Variants in ANKRD28 observed in about 807,000 individuals in gnomAD.
ANKRD28 encodes the protein ankyrin repeat domain 28.
In ANKRD28, 44 loss-of-function variants were observed where a neutral mutation model predicts 126.5. That is an observed-to-expected ratio of 0.35 (90% CI 0.27 to 0.45). The LOEUF is 0.45. ANKRD28 is among the 20% of genes least tolerant of loss of function. The pLI, the probability that ANKRD28 is intolerant of heterozygous loss-of-function variation, is 1.00. For synonymous variants in ANKRD28, 442 were observed against 468.5 expected (o/e 0.94, Z 0.73); for missense variants, 1,110 against 1,316.6 (o/e 0.84, Z 2.43).
At chr3:15,824,990 T>C (rs1339242350) in intron 1 of ANKRD28, among the ~76,000 whole-genome samples, 1 of 152,144 alleles carries the variant, frequency 6.6e-6, no homozygotes, top group Non-Finnish European at 1.5e-5. Context: ...TGAGGGGTAG[T>C]ACAAAACAAT....
chr3:15,789,152 A>G (rs964247710), intron 2 of ANKRD28, among the ~76,000 whole-genome samples: 3 of 152,126 alleles, frequency 2.0e-5, no homozygotes, highest in Non-Finnish European at 4.4e-5. Flanking sequence ...TTTTTAGGCA[A>G]CTAATAACCG....
At chr3:15,753,909 C>G (rs146524100) in intron 3 of ANKRD28, among the ~76,000 whole-genome samples, 2 of 152,272 alleles carry the variant, frequency 1.3e-5, no homozygotes, top group East Asian at 3.9e-4. Context: ...GCACCACACA[C>G]TCCAGCCTGG....
At chr3:15,737,893 T>C (rs893019110) in intron 4 of ANKRD28, among the ~76,000 whole-genome samples, 8 of 93,578 alleles carry the variant, frequency 8.5e-5, no homozygotes. Context: ...CTAGGATCAA[T>C]TTCATTAAAA....
rs1575335374 is a variant in ANKRD28 at position 15,714,446 on chromosome 3, C to G, written c.1075+132G>C. On this transcript the variant is annotated intron_variant, in intron 9 of 27. Coordinates refer to ENST00000683139, the MANE Select transcript of ANKRD28 (RefSeq NM_001349278.2). ...CTCTTTAATATTTTATTTTCATGAGCTCTGAAATCATGTATTAAAAATACA... is the reference window on the plus strand; with the variant it reads ...CTCTTTAATATTTTATTTTCATGAGGTCTGAAATCATGTATTAAAAATACA... 4.5e-6 allele frequency: 3 copies of G among 661,986 alleles called. No homozygotes were observed. The East Asian group carries it at 9.2e-5, about 20-fold the overall frequency. The allele number at this position is 661,986 out of a possible 1,614,324, so 41.0% of individuals were successfully genotyped here. A position where few individuals can be genotyped will look rare whatever the true frequency, so the allele number is the denominator to read the frequency against.
chr3:15,806,253 T>C (rs2060575111), intron 1 of ANKRD28, among the ~76,000 whole-genome samples: 1 of 152,232 alleles, frequency 6.6e-6, no homozygotes, highest in South Asian at 2.1e-4. Context: ...CCTTTAGCTG[T>C]AGACAATTTT....
chr3:15,764,802 G>A (rs201793367), intron 3 of ANKRD28, among the ~76,000 whole-genome samples: 1 of 152,030 alleles, frequency 6.6e-6, no homozygotes, highest in East Asian at 1.9e-4. Context: ...TAAGGAACAG[G>A]CATCTTCAGG....
intron 18 of ANKRD28, chr3:15,689,699 C>T (rs2068563056): frequency 1.9e-5 from 4 of 205,682 alleles, no homozygotes; most frequent in Admixed American, 5.3e-5. Context: ...CTTTTTCACA[C>T]AGAAGCTGGT....
intron 1 of ANKRD28, among the ~76,000 whole-genome samples, chr3:15,852,954 A>T (rs1053287234): frequency 2.6e-5 from 4 of 152,084 alleles, no homozygotes; most frequent in Non-Finnish European, 4.4e-5. Flanking sequence ...GCCAATCAGC[A>T]TACACATAGA....
At chr3:15,737,006 A>G in intron 5 of ANKRD28, 27 bp downstream of exon 5, 2 of 1,610,342 alleles carry the variant, frequency 1.2e-6, no homozygotes, top group South Asian at 2.2e-5. Context: ...GGAGAGAAAA[A>G]TAATGGTCTA....
rs200286267 is a variant in ANKRD28 at position 15,685,476 on chromosome 3, C to T, written c.2170-31G>A. 83 of 1,601,064 alleles carry T rather than the reference C, an allele frequency of 5.2e-5. No homozygotes were observed. The African/African-American group carries it at 1.1e-3, about 20-fold the overall frequency. ...AGAAAATAATTTAAAGGTAGTCAAACATATTATGCTAAACATTACATGCCA... is the reference window on the plus strand; with the variant it reads ...AGAAAATAATTTAAAGGTAGTCAAATATATTATGCTAAACATTACATGCCA... On this transcript the variant is annotated intron_variant, in intron 20 of 27. Transcript: ENST00000683139.
intron 2 of ANKRD28, among the ~76,000 whole-genome samples, chr3:15,783,675 GCAACAGAAAGAAAGGAA>G (rs2059639499): frequency 6.6e-6 from 1 of 151,908 alleles, no homozygotes; most frequent in African/African-American, 2.4e-5. Context: ...ATACTACTCA[GCAACAGAAAGAAAGGAA>G]TAAGCTATTA....
chr3:15,744,857 C>A (rs533192191), intron 4 of ANKRD28, among the ~76,000 whole-genome samples: 10 of 152,186 alleles, frequency 6.6e-5, no homozygotes, highest in African/African-American at 1.4e-4. Context: ...ACATTCCCAC[C>A]GACAGTGTAA....
chr3:15,700,745 G>T (rs1260217257), intron 14 of ANKRD28, among the ~76,000 whole-genome samples: 6 of 152,186 alleles, frequency 3.9e-5, no homozygotes, highest in African/African-American at 1.4e-4. Context: ...CTGCACTCCA[G>T]CCTGGCGACA....
At chr3:15,676,625 A>G (rs1487092121) in intron 26 of ANKRD28, 1 of 195,118 alleles carries the variant, frequency 5.1e-6, no homozygotes, top group African/African-American at 2.4e-5. Context: ...AGACACACAT[A>G]AAGCTTCTTA....
At position 15,814,225 on chromosome 3, in the gene ANKRD28, T is replaced by C; in HGVS notation, c.28-18919A>G. 1 of 1,222,528 alleles carries C rather than the reference T, an allele frequency of 8.2e-7. No homozygotes were observed. Among genetic ancestry groups the C allele is most frequent in the Non-Finnish European group, 1.0e-6 (1 of 960,896 alleles). The allele number at this position is 1,222,528 out of a possible 1,614,324, so 75.7% of individuals were successfully genotyped here. A position where few individuals can be genotyped will look rare whatever the true frequency, so the allele number is the denominator to read the frequency against. On this transcript the variant is annotated intron_variant, in intron 1 of 27. Coordinates refer to the ANKRD28 transcript ENST00000399451. The surrounding 1 kb of genome is among the most constrained non-coding windows in gnomAD (Gnocchi z 4.7). ...TGCCTATATTACTGCAAGAGACTAC[T>C]AGAAAATAACCTACCATAATAGGAA... is the stretch of plus-strand genomic sequence containing the variant.
At chr3:15,679,597 C>T (rs1342078915) in intron 21 of ANKRD28, 34 bp from the exon 22 acceptor site, 3 of 1,549,136 alleles carry the variant, frequency 1.9e-6, no homozygotes, top group Non-Finnish European at 2.6e-6. Context: ...TATTAAAATT[C>T]AAAGGAGATA....
intron 4 of ANKRD28, among the ~76,000 whole-genome samples, chr3:15,739,261 T>C (rs550047072): frequency 1.3e-5 from 2 of 152,328 alleles, no homozygotes; most frequent in South Asian, 4.1e-4. Flanking sequence ...GGAAGTGATG[T>C]GTCCATGAAA....
intron 3 of ANKRD28, among the ~76,000 whole-genome samples, chr3:15,759,280 T>G (rs962857908): frequency 2.6e-5 from 4 of 152,196 alleles, no homozygotes; most frequent in South Asian, 2.1e-4. Flanking sequence ...ATAAAAACTT[T>G]GAAAGTTTAA....
chr3:15,716,329 T>C (rs1358364089), intron 8 of ANKRD28, among the ~76,000 whole-genome samples: 1 of 150,528 alleles, frequency 6.6e-6, no homozygotes, highest in Non-Finnish European at 1.5e-5. Flanking sequence ...TCTTGGTCTG[T>C]CAGCCAGGCT....
Sources: allele counts gnomAD v4.1 joint callset (sites outside exome capture counted in the v4.1 genomes callset), GRCh38; gene constraint gnomAD v4.1.1; non-coding constraint Gnocchi (gnomAD v3.1); transcripts MANE v1.5; gene names NCBI Gene and HGNC (gene_info 2026-07-23, HGNC 2026-07-21).